The following TCF7L1 variants were observed in gnomAD, a reference collection of about 807,000 sequenced individuals.
TCF7L1 encodes the protein transcription factor 7 like 1, also known as transcription factor 7-like 1.
Under a neutral mutation model 63.7 loss-of-function variants are expected in TCF7L1, and 18 were observed. The ratio of observed to expected loss-of-function variants is 0.28; its 90% CI spans 0.20 to 0.42. TCF7L1 has a LOEUF of 0.42. Among genes scored for constraint, TCF7L1 ranks in the 10% least tolerant of loss-of-function variants. The pLI, the probability that TCF7L1 is intolerant of heterozygous loss-of-function variation, is 1.00. For synonymous variants in TCF7L1, 355 were observed against 340.9 expected, an observed-to-expected ratio of 1.04 and a Z score of -0.46; for missense variants, 654 against 779.3, an observed-to-expected ratio of 0.84 and a Z score of 1.91.
In TCF7L1 at chr2:85,308,097, C is replaced by T. The variant is rs139982028; in HGVS notation, c.1333+380C>T. Among the ~76,000 whole-genome samples, 218 of 152,214 alleles carry T rather than the reference C, an allele frequency of 1.4e-3. 1 individual carries two copies. Among genetic ancestry groups the T allele is most frequent in the African/African-American group, 5.1e-3 (213 of 41,516 alleles). ...CCACCTGTCAGTGGATCCAGGGGAG[C>T]CCGGGTTTCCTTGGATGTTTCTTTG... On this transcript the variant is annotated intron_variant, in intron 11 of 11. Transcript: ENST00000282111.
intron 4 of TCF7L1, among the ~76,000 whole-genome samples, chr2:85,285,093 C>T (rs1164292895): frequency 6.6e-6 from 1 of 152,014 alleles, no homozygotes; most frequent in African/African-American, 2.4e-5. Flanking sequence ...ATTAGCCAGG[C>T]GTGGTGGCGG....
At chr2:85,169,937 T>C (rs1314117911) in intron 3 of TCF7L1, among the ~76,000 whole-genome samples, 1 of 152,270 alleles carries the variant, frequency 6.6e-6, no homozygotes, top group Non-Finnish European at 1.5e-5. Context: ...ATAGTTAAAC[T>C]CATTTTGAGA....
At chr2:85,146,694 A>G (rs1808639) in intron 3 of TCF7L1, among the ~76,000 whole-genome samples, 84,349 of 151,388 alleles carry the variant, frequency 0.56, 23,905 homozygotes, top group East Asian at 0.85. Context: ...AGTAGAGACG[A>G]GATTTCACTG....
chr2:85,302,566 C>A lies in TCF7L1; in HGVS notation c.608C>A (p.Ser203Tyr). ...PLITYSNDHF[S>Y]PGSPPTHLSP... The stretch of plus-strand genomic sequence containing the variant: ...ATCACCTACAGCAATGACCACTTCT[C>A]CCCCGGCTCCCCTCCCACCCACCTC... Residue 203 changes from serine to tyrosine, a missense_variant, in exon 5 of 12, where the codon TCC (serine) becomes TAC (tyrosine). Ser to Tyr is a moderately radical substitution (Grantham distance 144). This residue lies in a region of TCF7L1 where 404 missense variants were observed against 454.8 expected (regional missense o/e 0.89). Coordinates refer to ENST00000282111, the MANE Select transcript of TCF7L1 (RefSeq NM_031283.3). 1 of 1,613,950 alleles carries A rather than the reference C, an allele frequency of 6.2e-7. No individual in the cohort carries two copies. Among genetic ancestry groups the A allele is most frequent in the South Asian group, 1.1e-5 (1 of 91,084 alleles).
intron 3 of TCF7L1, among the ~76,000 whole-genome samples, chr2:85,274,278 C>T (rs780162744): frequency 1.3e-5 from 2 of 152,194 alleles, no homozygotes; most frequent in Non-Finnish European, 2.9e-5. Flanking sequence ...CTCCAGGCTG[C>T]AGAAATGCGG....
intron 3 of TCF7L1, among the ~76,000 whole-genome samples, chr2:85,158,838 G>A (rs1678214509): frequency 6.6e-6 from 1 of 152,236 alleles, no homozygotes; most frequent in Admixed American, 6.5e-5. Flanking sequence ...CTCACCTACT[G>A]AAGGGCCTCC....
chr2:85,227,342 A>T (rs1020617665), intron 3 of TCF7L1, among the ~76,000 whole-genome samples: 1 of 151,990 alleles, frequency 6.6e-6, no homozygotes, highest in Non-Finnish European at 1.5e-5. Context: ...ATGAACTACT[A>T]GAGTGGTTGC....
At chr2:85,180,660 A>G (rs550390133) in intron 3 of TCF7L1, among the ~76,000 whole-genome samples, 1 of 152,184 alleles carries the variant, frequency 6.6e-6, no homozygotes, top group Admixed American at 6.5e-5. Flanking sequence ...TAAAGTGAGG[A>G]TTGAGGAAAT....
intron 3 of TCF7L1, among the ~76,000 whole-genome samples, chr2:85,215,059 CTGAAACCA>C (rs1679664251): frequency 6.6e-6 from 1 of 152,148 alleles, no homozygotes; most frequent in African/African-American, 2.4e-5. Flanking sequence ...GCCCTGTGCC[CTGAAACCA>C]GAGTCTGTCC....
chr2:85,195,310 C>A (rs565322030), intron 3 of TCF7L1, among the ~76,000 whole-genome samples: 1 of 152,152 alleles, frequency 6.6e-6, no homozygotes, highest in Non-Finnish European at 1.5e-5. Context: ...GTGCATGGGA[C>A]GTGGTGGCTT....
intron 3 of TCF7L1, among the ~76,000 whole-genome samples, chr2:85,143,463 C>T (rs1337300705): frequency 6.6e-6 from 1 of 152,200 alleles, no homozygotes; most frequent in Non-Finnish European, 1.5e-5. Flanking sequence ...AATAGCTCCA[C>T]CCCATTTGGA....
intron 4 of TCF7L1, among the ~76,000 whole-genome samples, chr2:85,285,035 C>T (rs1181525024): frequency 1.3e-5 from 2 of 152,088 alleles, no homozygotes; most frequent in African/African-American, 2.4e-5. Context: ...AGATCGATAC[C>T]ATCCTGGCTA....
At chr2:85,289,365 A>G (rs1681632525) in intron 4 of TCF7L1, among the ~76,000 whole-genome samples, 1 of 152,212 alleles carries the variant, frequency 6.6e-6, no homozygotes, top group Non-Finnish European at 1.5e-5. Flanking sequence ...ACCAGGAGAC[A>G]AATAATCCAG....
At chr2:85,252,866 A>C (rs112561287) in intron 3 of TCF7L1, among the ~76,000 whole-genome samples, 3,102 of 152,278 alleles carry the variant, frequency 0.02, 47 homozygotes, top group Non-Finnish European at 0.029. Flanking sequence ...GGTTGAATGG[A>C]TGGCAGCTCA....
At chr2:85,292,457 A>C (rs1681749628) in intron 4 of TCF7L1, among the ~76,000 whole-genome samples, 1 of 152,256 alleles carries the variant, frequency 6.6e-6, no homozygotes, top group South Asian at 2.1e-4. Flanking sequence ...AAAAAGAACA[A>C]AATTTAAAAG....
chr2:85,186,016 G>A (rs1178116849), intron 3 of TCF7L1, among the ~76,000 whole-genome samples: 1 of 146,554 alleles, frequency 6.8e-6, no homozygotes, highest in Non-Finnish European at 1.5e-5. Context: ...GCCTAGGCTG[G>A]AGTGCAGTGG....
At chr2:85,169,885 A>T (rs1678508174) in intron 3 of TCF7L1, among the ~76,000 whole-genome samples, 1 of 152,234 alleles carries the variant, frequency 6.6e-6, no homozygotes, top group Admixed American at 6.5e-5. Context: ...CCTGGCAATC[A>T]GGATTTTTTA....
chr2:85,285,715 G>A (rs1440293792), intron 4 of TCF7L1, among the ~76,000 whole-genome samples: 2 of 152,116 alleles, frequency 1.3e-5, no homozygotes, highest in African/African-American at 4.8e-5. Flanking sequence ...GACCTGGCTC[G>A]TGCCCTGCAC....
intron 3 of TCF7L1, among the ~76,000 whole-genome samples, chr2:85,159,088 G>C (rs1678221299): frequency 6.6e-6 from 1 of 152,174 alleles, no homozygotes; most frequent in Admixed American, 6.5e-5. Context: ...TGGACAGTGC[G>C]GTTCAGCCTT....
Sources: gnomAD v4.1 joint callset for allele counts (sites outside exome capture counted in the v4.1 genomes callset) on GRCh38, gnomAD v4.1.1 for gene constraint, gnomAD v4.1.1 regional missense constraint, MANE v1.5 for transcripts, NCBI Gene and HGNC (gene_info 2026-07-23, HGNC 2026-07-21) for gene names.